The following MSH4 variants were observed in gnomAD, a reference collection of about 807,000 sequenced individuals.
MSH4 encodes mutS protein homolog 4.
MSH4 carries 106 observed loss-of-function variants against 113.7 expected under a neutral mutation model. The ratio of observed to expected loss-of-function variants is 0.93; its 90% confidence interval spans 0.80 to 1.10. The LOEUF (loss-of-function observed/expected upper bound fraction) is 1.10. Ranked by LOEUF, MSH4 falls within the 50% of genes least tolerant of loss-of-function variation. The pLI, the probability that MSH4 is intolerant of heterozygous loss-of-function variation, is 0.00. For synonymous variants in MSH4, 368 were observed against 380.2 expected (o/e 0.97, Z 0.37); for missense variants, 1,061 against 1,093.7 (o/e 0.97, Z 0.42).
chr1:75,819,854 G>A (rs1650369930), intron 6 of MSH4, among the ~76,000 whole-genome samples: 1 of 152,066 alleles, frequency 6.6e-6, no homozygotes, highest in Non-Finnish European at 1.5e-5. Flanking sequence ...GGGATTACAG[G>A]TGCCTGCCAC....
chr1:75,881,113 C>T (rs1216188073), intron 13 of MSH4, 133 bp from the exon 14 acceptor site: 3 of 628,804 alleles, frequency 4.8e-6, no homozygotes, highest in South Asian at 3.5e-5. Context: ...GAACAATAGG[C>T]TTTATCTATA....
intron 18 of MSH4, among the ~76,000 whole-genome samples, chr1:75,899,090 G>A (rs998997311): frequency 6.6e-6 from 1 of 152,058 alleles, no homozygotes; most frequent in Non-Finnish European, 1.5e-5. Flanking sequence ...AAGCCATATG[G>A]CATTTATACA....
At chr1:75,830,675 A>G (rs1650662941) in intron 7 of MSH4, among the ~76,000 whole-genome samples, 1 of 152,222 alleles carries the variant, frequency 6.6e-6, no homozygotes, top group South Asian at 2.1e-4. Flanking sequence ...CCAGAATTTC[A>G]TATCCAGCCA....
In MSH4 at chr1:75,864,541, C is replaced by T. The variant is rs12026406; in HGVS notation, c.1231-2973C>T. Reference sequence around the variant, plus strand: ...ATATTACTGGTTTTAAAATTTTAGCCGTAGCATTTTAATAAACGTGGTTTT... The same window carrying T: ...ATATTACTGGTTTTAAAATTTTAGCTGTAGCATTTTAATAAACGTGGTTTT... On this transcript the variant is annotated intron_variant, in intron 8 of 19. Transcript: ENST00000263187. Among the ~76,000 whole-genome samples the T allele has an allele frequency of 2.6e-4, 40 of 152,202 alleles. No individual in the cohort carries two copies. In the East Asian group the frequency reaches 6.6e-3, roughly 25 times the overall value.
chr1:75,876,124 CTG>C (rs967880773), intron 9 of MSH4, among the ~76,000 whole-genome samples: 3 of 151,950 alleles, frequency 2.0e-5, no homozygotes, highest in African/African-American at 7.3e-5. Flanking sequence ...ATTCCAAAAT[CTG>C]AAAAAAATCC....
intron 8 of MSH4, among the ~76,000 whole-genome samples, chr1:75,866,820 A>T (rs1651571918): frequency 6.9e-6 from 1 of 144,480 alleles, no homozygotes; most frequent in Non-Finnish European, 1.5e-5. Context: ...ATCTCTATTA[A>T]AAAAAAAAAA....
chr1:75,858,085 A>G (rs1421968600), intron 8 of MSH4, among the ~76,000 whole-genome samples: 1 of 152,194 alleles, frequency 6.6e-6, no homozygotes, highest in Non-Finnish European at 1.5e-5. Context: ...ATTGGTGTAT[A>G]GGCATGCTTG....
chr1:75,867,660 C>T (rs1316991203), intron 9 of MSH4, 72 bp downstream of exon 9: 1 of 1,010,492 alleles, frequency 9.9e-7, no homozygotes, highest in African/African-American at 1.6e-5. Context: ...AAAAAAATTT[C>T]AAACTCGGAA....
intron 14 of MSH4, 125 bp from the exon 15 acceptor site, chr1:75,883,496 T>G: frequency 2.7e-6 from 2 of 735,886 alleles, no homozygotes; most frequent in South Asian, 3.9e-5. Flanking sequence ...ATATAGTACC[T>G]TAATGTTATT....
At chr1:75,812,769 A>G (rs1324723093) in intron 4 of MSH4, among the ~76,000 whole-genome samples, 1 of 152,120 alleles carries the variant, frequency 6.6e-6, no homozygotes, top group African/African-American at 2.4e-5. Flanking sequence ...CCCACAGAGG[A>G]TAGGAGACAG....
chr1:75,827,822 A>G (rs902454727), intron 7 of MSH4, among the ~76,000 whole-genome samples: 5 of 152,208 alleles, frequency 3.3e-5, no homozygotes, highest in African/African-American at 7.2e-5. Context: ...CTAAATATAC[A>G]TGCACCCAAT....
intron 3 of MSH4, among the ~76,000 whole-genome samples, chr1:75,807,648 T>C (rs571775068): frequency 1.3e-5 from 2 of 152,330 alleles, no homozygotes; most frequent in South Asian, 4.1e-4. Context: ...TATTATTTTA[T>C]TTGGAAATTA....
At chr1:75,883,476 A>T (rs773813315) in intron 14 of MSH4, 145 bp from the exon 15 acceptor site, 115 of 625,080 alleles carry the variant, frequency 1.8e-4, no homozygotes, top group Middle Eastern at 4.4e-4. Context: ...TTGGGTGGGG[A>T]TTTGGGATAA....
intron 7 of MSH4, among the ~76,000 whole-genome samples, chr1:75,842,105 G>A (rs964348537): frequency 6.6e-6 from 1 of 152,158 alleles, no homozygotes; most frequent in African/African-American, 2.4e-5. Context: ...CAATGGTTTG[G>A]TTCAGAAAGG....
chr1:75,860,871 C>A (rs537744149), intron 8 of MSH4, among the ~76,000 whole-genome samples: 1 of 152,252 alleles, frequency 6.6e-6, no homozygotes, highest in South Asian at 2.1e-4. Context: ...TAACTTGGGG[C>A]CATTCTCCCA....
intron 2 of MSH4, among the ~76,000 whole-genome samples, chr1:75,804,369 G>A (rs992218778): frequency 3.9e-5 from 6 of 151,948 alleles, no homozygotes; most frequent in African/African-American, 1.4e-4. Context: ...GGTAAGTTAT[G>A]TAAATGCATA....
intron 9 of MSH4, among the ~76,000 whole-genome samples, chr1:75,868,231 A>G (rs1248140536): frequency 6.6e-6 from 1 of 152,296 alleles, no homozygotes; most frequent in African/African-American, 2.4e-5. Flanking sequence ...ACATAATGCC[A>G]TTTCCTCATT....
At chr1:75,838,633 T>C (rs1263557290) in intron 7 of MSH4, among the ~76,000 whole-genome samples, 2 of 152,220 alleles carry the variant, frequency 1.3e-5, no homozygotes, top group African/African-American at 4.8e-5. Context: ...TTTCCTGTAA[T>C]CTCCCACAGC....
chr1:75,833,440 A>G (rs1006321735), intron 7 of MSH4, among the ~76,000 whole-genome samples: 3 of 152,184 alleles, frequency 2.0e-5, no homozygotes, highest in Non-Finnish European at 4.4e-5. Flanking sequence ...AACTACTTTA[A>G]AGTTCACATG....
Sources: gnomAD v4.1 joint callset for allele counts (sites outside exome capture counted in the v4.1 genomes callset) on GRCh38, gnomAD v4.1.1 for gene constraint, MANE v1.5 for transcripts, NCBI Gene and HGNC (gene_info 2026-07-23, HGNC 2026-07-21) for gene names.